The following MGAT5 variants were observed in gnomAD, a reference collection of about 807,000 sequenced individuals.
The protein encoded by MGAT5 is alpha-1,6-mannosylglycoprotein 6-beta-N-acetylglucosaminyltransferase.
MGAT5 carries 30 observed loss-of-function variants against 94.3 expected under a neutral mutation model. The observed-to-expected ratio is 0.32, with a 90% CI of 0.24 to 0.43. MGAT5 has a LOEUF of 0.43. Ranked by LOEUF, MGAT5 falls within the 20% of genes least tolerant of loss-of-function variation. The pLI is 1.00. For synonymous variants in MGAT5, 310 were observed against 322.9 expected (o/e 0.96, Z 0.43); for missense variants, 691 against 905.5 (o/e 0.76, Z 3.04).
intron 2 of MGAT5, among the ~76,000 whole-genome samples, chr2:134,280,252 T>C (rs1482618755): frequency 1.3e-5 from 2 of 152,174 alleles, no homozygotes; most frequent in East Asian, 3.9e-4. Flanking sequence ...ATTAGGGGTG[T>C]GACTGAACTG....
At position 134,313,075 on chromosome 2, in the gene MGAT5, CACACACACACACACACAT is replaced by C. The variant is rs1220677735; in HGVS notation, c.407-4452_407-4435del. Among the ~76,000 whole-genome samples the C allele has an allele frequency of 1.2e-3, 163 of 141,588 alleles. 1 individual carries two copies. Among genetic ancestry groups the C allele is most frequent in the South Asian group, 3.0e-3 (13 of 4,320 alleles). 92.9% of individuals were successfully genotyped at this position (141,588 alleles called of 152,430 possible). On this transcript the variant is annotated intron_variant, in intron 2 of 15. Coordinates refer to ENST00000281923, the MANE Select transcript of MGAT5 (RefSeq NM_002410.5). ...ACACACACACACACACACACACACA[CACACACACACACACACAT>C]ATCTGTCTGGTTTCATATTTCTTTG...
At chr2:134,139,534 G>A (rs771652646) in intron 1 of MGAT5, among the ~76,000 whole-genome samples, 1 of 152,122 alleles carries the variant, frequency 6.6e-6, no homozygotes, top group Non-Finnish European at 1.5e-5. Context: ...TCAGACACAG[G>A]CATGCAAACA....
chr2:134,426,202 C>T (rs1574075248), intron 13 of MGAT5, among the ~76,000 whole-genome samples: 2 of 152,176 alleles, frequency 1.3e-5, no homozygotes, highest in African/African-American at 2.4e-5. Flanking sequence ...TTCTGACTCA[C>T]CGACTTCCTT....
chr2:134,342,685 A>C (rs986647652), intron 7 of MGAT5, among the ~76,000 whole-genome samples: 173 of 148,336 alleles, frequency 1.2e-3, no homozygotes, highest in African/African-American at 4.0e-3. Context: ...ATGCCACTGC[A>C]CTCCAGCCTG....
At chr2:134,415,388 CAT>C (rs1331943414) in intron 12 of MGAT5, among the ~76,000 whole-genome samples, 2 of 152,300 alleles carry the variant, frequency 1.3e-5, no homozygotes, top group East Asian at 3.9e-4. Context: ...AGCACCTTTT[CAT>C]ATGTTTGTTT....
chr2:134,364,019 C>T (rs1298299134), intron 10 of MGAT5, among the ~76,000 whole-genome samples: 1 of 152,132 alleles, frequency 6.6e-6, no homozygotes, highest in Middle Eastern at 3.2e-3. Context: ...CTTGCATGTC[C>T]GTGTGGGCTT....
chr2:134,214,719 G>A (rs1308793037), intron 1 of MGAT5, among the ~76,000 whole-genome samples: 3 of 152,174 alleles, frequency 2.0e-5, no homozygotes, highest in African/African-American at 4.8e-5. Flanking sequence ...ATAGGGTGGG[G>A]TGGGGAGGAA....
chr2:134,330,584 T>TG (rs1553447778), intron 4 of MGAT5, among the ~76,000 whole-genome samples: 1 of 151,580 alleles, frequency 6.6e-6, no homozygotes, highest in Non-Finnish European at 1.5e-5. Context: ...TGTGTGTGTG[T>TG]TACGAAGCCC....
chr2:134,169,395 CACACACACACACACACAG>C (rs1408125258), intron 1 of MGAT5, among the ~76,000 whole-genome samples: 4 of 125,662 alleles, frequency 3.2e-5, no homozygotes, highest in South Asian at 5.0e-4. Context: ...AATACACACA[CACACACACACACACACAG>C]ACACACACAC....
At chr2:134,395,686 T>C (rs1305435532) in intron 10 of MGAT5, among the ~76,000 whole-genome samples, 2 of 152,234 alleles carry the variant, frequency 1.3e-5, no homozygotes, top group African/African-American at 4.8e-5. Flanking sequence ...TGCCATCAAG[T>C]TGCAAATACA....
Position 134,355,631 on chromosome 2 carries a change from G to A in MGAT5, c.1246+5693G>A, listed in dbSNP as rs150046951. Among the ~76,000 whole-genome samples, 128 of 152,286 alleles carry A rather than the reference G, an allele frequency of 8.4e-4. 1 individual carries two copies. The highest frequency in any genetic ancestry group is 2.9e-3 in the African/African-American group (119 of 41,564). On this transcript the variant is annotated intron_variant, in intron 9 of 15. Transcript: ENST00000281923. ...CTCAGTAAATAAATGCAAGAAATCT[G>A]CCCGCACAGAAAAATAAGAGCGAAG...
chr2:134,252,701 T>G (rs1682692535), upstream of MGAT5, among the ~76,000 whole-genome samples: 1 of 152,210 alleles, frequency 6.6e-6, no homozygotes, highest in South Asian at 2.1e-4. Flanking sequence ...AGGTAGATAG[T>G]AAATATTTTA....
At position 134,300,072 on chromosome 2, in the gene MGAT5, AG is replaced by A. The variant is rs1201832637; in HGVS notation, c.407-17456del. Among the ~76,000 whole-genome samples, 9 of 152,324 alleles carry A rather than the reference AG, an allele frequency of 5.9e-5. No homozygotes were observed. The East Asian group carries it at 1.7e-3, about 29-fold the overall frequency. On this transcript the variant is annotated intron_variant, in intron 2 of 15. Transcript: ENST00000281923. The stretch of plus-strand genomic sequence containing the variant: ...GTTCTAGTGAGCAGAACAGAAGTAA[AG>A]TGAAGATTAATTCCTTACACTGTTG...
chr2:134,138,304 C>T (rs965263466), intron 1 of MGAT5, among the ~76,000 whole-genome samples: 5 of 152,078 alleles, frequency 3.3e-5, no homozygotes, highest in Non-Finnish European at 7.4e-5. Flanking sequence ...TGACCACTCC[C>T]CTCCCCCACT....
At chr2:134,324,283 C>T (rs1360711412) in intron 4 of MGAT5, among the ~76,000 whole-genome samples, 3 of 152,102 alleles carry the variant, frequency 2.0e-5, no homozygotes, top group African/African-American at 7.2e-5. Flanking sequence ...CAAGCTATTG[C>T]TTCAAATGCC....
At chr2:134,358,359 T>C (rs1679882562) in intron 9 of MGAT5, among the ~76,000 whole-genome samples, 1 of 152,236 alleles carries the variant, frequency 6.6e-6, no homozygotes, top group Non-Finnish European at 1.5e-5. Context: ...CTCATATCTT[T>C]ATTATCTGAA....
At chr2:134,246,292 G>A (rs1348211751) in intron 1 of MGAT5, among the ~76,000 whole-genome samples, 1 of 152,122 alleles carries the variant, frequency 6.6e-6, no homozygotes, top group Non-Finnish European at 1.5e-5. Context: ...AAGAGAGTTG[G>A]TGGCATCACA....
At chr2:134,241,097 C>T (rs1559005886) in intron 1 of MGAT5, among the ~76,000 whole-genome samples, 1 of 152,224 alleles carries the variant, frequency 6.6e-6, no homozygotes, top group African/African-American at 2.4e-5. Flanking sequence ...ACTTCCTTAT[C>T]CACCCTAAAT....
At chr2:134,387,903 G>A (rs1382321677) in intron 10 of MGAT5, among the ~76,000 whole-genome samples, 1 of 152,180 alleles carries the variant, frequency 6.6e-6, no homozygotes, top group Non-Finnish European at 1.5e-5. Flanking sequence ...CCAATGGAAG[G>A]TGACTTATAA....
Sources: gnomAD v4.1 joint callset for allele counts (sites outside exome capture counted in the v4.1 genomes callset) on GRCh38, gnomAD v4.1.1 for gene constraint, MANE v1.5 for transcripts, NCBI Gene and HGNC (gene_info 2026-07-23, HGNC 2026-07-21) for gene names.